The following ATRNL1 variants were observed in gnomAD, a reference collection of about 807,000 sequenced individuals.
The protein encoded by ATRNL1 is attractin like 1.
In ATRNL1, 95 loss-of-function variants were observed where a neutral mutation model predicts 182.7. That is an observed-to-expected ratio of 0.52 (90% CI 0.44 to 0.62). ATRNL1 has a LOEUF of 0.62. ATRNL1 is among the 20% of genes least tolerant of loss of function. The pLI is 0.00. For missense variants in ATRNL1, 1,471 were observed against 1,679.5 expected, an observed-to-expected ratio of 0.88 and a Z score of 2.17; for synonymous variants, 576 against 568.3, an observed-to-expected ratio of 1.01 and a Z score of -0.19.
At chr10:115,098,143 A>G (rs1252786172) in intron 1 of ATRNL1, among the ~76,000 whole-genome samples, 2 of 152,196 alleles carry the variant, frequency 1.3e-5, no homozygotes, top group Non-Finnish European at 2.9e-5. Flanking sequence ...AAAGTGTATA[A>G]TCACACAGTA....
In ATRNL1 at chr10:115,318,898, C is replaced by A. The variant is rs890337766; in HGVS notation, c.3037+3162C>A. Among the ~76,000 whole-genome samples, 10 of 151,956 alleles carry A rather than the reference C, an allele frequency of 6.6e-5. No individual in the cohort carries two copies. In the East Asian group the frequency reaches 1.7e-3, roughly 26 times the overall value. On this transcript the variant is annotated intron_variant, in intron 18 of 28. Coordinates refer to ENST00000355044, the MANE Select transcript of ATRNL1 (RefSeq NM_207303.4). ...TTTCATGTCTCTATCTCTTTTAGTTCTGCTCTAATCTCAGTTATTTCTTGT... is the reference window on the plus strand; with the variant it reads ...TTTCATGTCTCTATCTCTTTTAGTTATGCTCTAATCTCAGTTATTTCTTGT...
intron 19 of ATRNL1, among the ~76,000 whole-genome samples, chr10:115,343,649 T>A (rs1315167965): frequency 6.6e-6 from 1 of 152,104 alleles, no homozygotes; most frequent in African/African-American, 2.4e-5. Flanking sequence ...CTATTTCATT[T>A]GATGAGGTCA....
chr10:115,271,379 A>G (rs562041206), intron 13 of ATRNL1, among the ~76,000 whole-genome samples: 217 of 151,954 alleles, frequency 1.4e-3, no homozygotes, highest in African/African-American at 5.1e-3. Context: ...GGTGTGCTGC[A>G]CTCATTAATT....
At chr10:115,728,569 A>C (rs1947688673) in intron 27 of ATRNL1, among the ~76,000 whole-genome samples, 1 of 152,170 alleles carries the variant, frequency 6.6e-6, no homozygotes, top group African/African-American at 2.4e-5. Flanking sequence ...ATGGAAAAAT[A>C]GAATCATTCA....
chr10:115,119,203 A>G lies in ATRNL1; in HGVS notation c.294-982A>G, dbSNP rs190137585. On this transcript the variant is annotated intron_variant, in intron 1 of 28. Transcript: ENST00000355044. ...TGCAGGGATTATGAAAGATTTGCAA[A>G]TGACATTAACATTGACTGACATTTC... 1.9e-3 allele frequency among the ~76,000 whole-genome samples: 292 copies of G among 152,272 alleles called. 1 individual carries two copies. The highest frequency in any genetic ancestry group is 3.4e-3 in the Non-Finnish European group (228 of 67,980).
rs562879792 is a variant in ATRNL1, at chr10:115,942,881, T to G, written c.4019-1777T>G. Among the ~76,000 whole-genome samples the G allele has an allele frequency of 2.4e-4, 37 of 152,372 alleles. 2 individuals carry two copies. The South Asian group carries it at 7.2e-3, about 30-fold the overall frequency. ...TCAACAGATATGAAAATGACTCATA[T>G]GTAGCTATGATAAGCCAAATTATCT... On this transcript the variant is annotated intron_variant, in intron 28 of 28. Coordinates refer to ENST00000355044, the MANE Select transcript of ATRNL1 (RefSeq NM_207303.4).
intron 24 of ATRNL1, among the ~76,000 whole-genome samples, chr10:115,510,964 C>T (rs1292129855): frequency 1.3e-5 from 2 of 151,828 alleles, no homozygotes; most frequent in Non-Finnish European, 2.9e-5. Flanking sequence ...TTATGAGTGC[C>T]TTCATTCATT....
intron 21 of ATRNL1, among the ~76,000 whole-genome samples, chr10:115,442,874 T>C (rs1846765147): frequency 6.6e-6 from 1 of 152,100 alleles, no homozygotes; most frequent in Non-Finnish European, 1.5e-5. Context: ...TTTAAAAGAT[T>C]AATCTGAGGA....
rs928689563 is a variant in ATRNL1, at chr10:115,418,859, A to T, written c.3270-7391A>T. 3.9e-5 allele frequency among the ~76,000 whole-genome samples: 6 copies of T among 152,320 alleles called. No homozygotes were observed. The Middle Eastern group carries it at 0.01, about 259-fold the overall frequency. ...ACTATAGGCAGAAAAGGTGTATTTT[A>T]AAAATGAAGGAGAGAAGGACTTCTG... On this transcript the variant is annotated intron_variant, in intron 20 of 28. Transcript: ENST00000355044.
intron 5 of ATRNL1, among the ~76,000 whole-genome samples, chr10:115,149,876 C>CT (rs57382865): frequency 0.097 from 11,952 of 123,248 alleles, 975 homozygotes; most frequent in African/African-American, 0.24. Context: ...TCTCCTTTTC[C>CT]TTTTTTTTTT....
At chr10:115,461,832 A>T in intron 21 of ATRNL1, 109 bp from the exon 22 acceptor site, 1 of 500,912 alleles carries the variant, frequency 2.0e-6, no homozygotes, top group Non-Finnish European at 3.4e-6. Context: ...ACTAGTATTT[A>T]ACAATAATCA....
At chr10:115,364,964 T>C (rs1430702803) in intron 19 of ATRNL1, among the ~76,000 whole-genome samples, 4 of 151,348 alleles carry the variant, frequency 2.6e-5, no homozygotes, top group African/African-American at 9.8e-5. Flanking sequence ...TCATCAAGGA[T>C]ATTGGTCTAA....
chr10:115,544,654 G>T (rs1477251336), intron 25 of ATRNL1, among the ~76,000 whole-genome samples: 2 of 152,060 alleles, frequency 1.3e-5, no homozygotes, highest in East Asian at 1.9e-4. Flanking sequence ...CGAATACCAG[G>T]CCCCACCTCC....
chr10:115,781,340 TCTC>T (rs1185658443), intron 27 of ATRNL1, among the ~76,000 whole-genome samples: 4 of 152,000 alleles, frequency 2.6e-5, no homozygotes, highest in Non-Finnish European at 5.9e-5. Context: ...GACCAGCAAT[TCTC>T]CTAGATATAA....
chr10:115,177,681 G>A (rs1173319040), intron 8 of ATRNL1, among the ~76,000 whole-genome samples: 2 of 151,918 alleles, frequency 1.3e-5, no homozygotes, highest in African/African-American at 4.8e-5. Context: ...ATGGGGTTTC[G>A]CCATGCCTGT....
chr10:115,646,956 C>A lies in ATRNL1; in HGVS notation c.3796-80292C>A, dbSNP rs545756394. 5.6e-5 allele frequency among the ~76,000 whole-genome samples: 7 copies of A among 124,402 alleles called. No individual in the cohort carries two copies. The South Asian group carries it at 1.8e-3, about 31-fold the overall frequency. The allele number at this position is 124,402 out of a possible 152,430, so 81.6% of individuals were successfully genotyped here. Reference sequence around the variant, plus strand: ...TAGCCCTCCCCCCTCCCCCCCTCCCCCCACCCCACAACAGGCCCTGGTGTG... The same window carrying A: ...TAGCCCTCCCCCCTCCCCCCCTCCCACCACCCCACAACAGGCCCTGGTGTG... On this transcript the variant is annotated intron_variant, in intron 26 of 28. Coordinates refer to ENST00000355044, the MANE Select transcript of ATRNL1 (RefSeq NM_207303.4).
At chr10:115,664,187 T>C (rs1328106031) in intron 26 of ATRNL1, among the ~76,000 whole-genome samples, 1 of 152,176 alleles carries the variant, frequency 6.6e-6, no homozygotes, top group Non-Finnish European at 1.5e-5. Flanking sequence ...CAGAACTTTC[T>C]AACTCCCTAT....
At chr10:115,921,854 C>T (rs1418448112) in intron 28 of ATRNL1, among the ~76,000 whole-genome samples, 1 of 152,200 alleles carries the variant, frequency 6.6e-6, no homozygotes, top group Non-Finnish European at 1.5e-5. Flanking sequence ...ACCACATTTT[C>T]AAGTGTTGGA....
At chr10:115,219,936 G>T (rs1554897053) in intron 9 of ATRNL1, among the ~76,000 whole-genome samples, 2 of 152,006 alleles carry the variant, frequency 1.3e-5, no homozygotes, top group African/African-American at 2.4e-5. Flanking sequence ...AGAGAAATGT[G>T]CACATAACAT....
Sources: allele counts gnomAD v4.1 joint callset (sites outside exome capture counted in the v4.1 genomes callset), GRCh38; gene constraint gnomAD v4.1.1; transcripts MANE v1.5; gene names NCBI Gene and HGNC (gene_info 2026-07-23, HGNC 2026-07-21).